PEX7: variants seen among roughly 807,000 people sequenced by gnomAD.
The protein encoded by PEX7 is PTS2 receptor.
Under a neutral mutation model 47.5 loss-of-function variants are expected in PEX7, and 34 were observed. The observed-to-expected ratio is 0.72, with a 90% CI of 0.54 to 0.95. The LOEUF is 0.95. Among genes scored for constraint, PEX7 ranks in the 40% least tolerant of loss-of-function variants. The pLI, the probability that PEX7 is intolerant of heterozygous loss-of-function variation, is 0.00. For synonymous variants in PEX7, 141 were observed against 148.8 expected, an observed-to-expected ratio of 0.95 and a Z score of 0.38; for missense variants, 394 against 400.3, an observed-to-expected ratio of 0.98 and a Z score of 0.13.
intron 8 of PEX7, among the ~76,000 whole-genome samples, chr6:136,875,298 A>T (rs1039386833): frequency 6.7e-6 from 1 of 150,144 alleles, no homozygotes; most frequent in African/African-American, 2.5e-5. Flanking sequence ...AAGGCTATAA[A>T]TTTTTTTCTG....
chr6:136,829,801 G>A (rs1258492999), intron 3 of PEX7, among the ~76,000 whole-genome samples: 1 of 152,166 alleles, frequency 6.6e-6, no homozygotes, highest in East Asian at 1.9e-4. Flanking sequence ...AGCTGGGTGT[G>A]GTGGTGCACA....
chr6:136,866,634 G>T lies in PEX7; in HGVS notation c.534G>T (p.Gln178His), dbSNP rs746010906. The change falls in exon 6 of 10, where the codon CAG becomes CAT. Residue 178 changes from glutamine to histidine, a missense_variant. Transcript: ENST00000318471. ...AGTCTTCCTTTTTACTAGGTGATCA[G>T]ACTCTGAGAATATGGGATGTGAAGG... ...PGCFASASGD[Q>H]TLRIWDVKAA... The T allele has an allele frequency of 6.2e-7, 1 of 1,613,870 alleles. No homozygotes were observed. Among genetic ancestry groups the T allele is most frequent in the East Asian group, 2.2e-5 (1 of 44,860 alleles).
rs1429537404 is a variant in PEX7, at chr6:136,856,255, C to T, written c.526+10074C>T. 3.7e-5 allele frequency among the ~76,000 whole-genome samples: 5 copies of T among 135,556 alleles called. No individual in the cohort carries two copies. In the South Asian group the frequency reaches 6.8e-4, roughly 18 times the overall value. The allele number at this position is 135,556 out of a possible 152,430, so 88.9% of individuals were successfully genotyped here. On this transcript the variant is annotated intron_variant, in intron 5 of 9. Coordinates refer to ENST00000318471, the MANE Select transcript of PEX7 (RefSeq NM_000288.4). ...TGTTGTGTTAGAAATTAATATAAAT[C>T]TTGGTCATATCAGCCAGGACTTCTT...
rs56050939 is a variant in PEX7, at chr6:136,845,087, G to A, written c.340-528G>A. On this transcript the variant is annotated intron_variant, in intron 3 of 9. Transcript: ENST00000318471. ...GTTTTCAAGTAGTTCATTTGAAATG[G>A]TTCACTGAGAGCAGTGAAGCATATA... Among the ~76,000 whole-genome samples, 578 of 152,294 alleles carry A rather than the reference G, an allele frequency of 3.8e-3. 3 individuals are homozygous for A. Among genetic ancestry groups the A allele is most frequent in the African/African-American group, 0.012 (499 of 41,552 alleles).
At chr6:136,845,990 T>G (rs1774591584) in intron 4 of PEX7, 83 bp from the exon 5 acceptor site, 9 of 775,062 alleles carry the variant, frequency 1.2e-5, no homozygotes, top group Middle Eastern at 2.6e-4. Flanking sequence ...TAAATGTATA[T>G]AGTTTATTGG....
intron 5 of PEX7, among the ~76,000 whole-genome samples, chr6:136,864,432 A>T (rs958971326): frequency 1.3e-5 from 2 of 152,280 alleles, no homozygotes; most frequent in East Asian, 1.9e-4. Flanking sequence ...TATTGTAGGT[A>T]GGAAACTGAA....
intron 8 of PEX7, among the ~76,000 whole-genome samples, chr6:136,895,109 C>T (rs539774093): frequency 6.6e-6 from 1 of 152,200 alleles, no homozygotes; most frequent in East Asian, 1.9e-4. Context: ...CCACTTTCTC[C>T]CTGTTAGCCC....
In PEX7 at chr6:136,913,595, A is replaced by G. The variant is rs995877089; in HGVS notation, c.*69A>G. 8.2e-6 allele frequency: 8 copies of G among 980,980 alleles called. No homozygotes were observed. The highest frequency in any genetic ancestry group is 6.4e-5 in the South Asian group (5 of 78,340). 60.8% of individuals were successfully genotyped at this position (980,980 alleles called of 1,614,324 possible). On this transcript the variant is annotated 3_prime_UTR_variant, in exon 10 of 10. Coordinates refer to ENST00000318471, the MANE Select transcript of PEX7 (RefSeq NM_000288.4). ...CTGCCTAACAGCAAATAAATTAACT[A>G]TGGAAAACATAGACATTATGCTTTT...
intron 9 of PEX7, among the ~76,000 whole-genome samples, chr6:136,908,816 C>T (rs1397083790): frequency 6.6e-6 from 1 of 152,014 alleles, no homozygotes; most frequent in Non-Finnish European, 1.5e-5. Context: ...CAGTTCTTCA[C>T]TTACTCGGAT....
chr6:136,895,292 T>C (rs539057212), intron 8 of PEX7, among the ~76,000 whole-genome samples: 39 of 152,334 alleles, frequency 2.6e-4, no homozygotes, highest in Admixed American at 1.0e-3. Context: ...AAATAATAAA[T>C]TATAGTATAT....
At chr6:136,889,130 T>C (rs1775515397) in intron 8 of PEX7, among the ~76,000 whole-genome samples, 1 of 152,212 alleles carries the variant, frequency 6.6e-6, no homozygotes, top group Non-Finnish European at 1.5e-5. Context: ...TGTTGATATG[T>C]TCATTTTTTA....
At chr6:136,827,611 T>G (rs930452787) in intron 3 of PEX7, among the ~76,000 whole-genome samples, 1 of 151,054 alleles carries the variant, frequency 6.6e-6, no homozygotes, top group African/African-American at 2.4e-5. Flanking sequence ...TACTGCAACC[T>G]CCACCTTCTG....
At position 136,822,753 on chromosome 6, in the gene PEX7, G is replaced by A; in HGVS notation, c.88G>A (p.Gly30Ser). ...YAAEFSPYLP[G>S]RLACATAQHY... ...CGCCGAGTTCTCCCCGTACCTGCCGGGCCGCCTGGCCTGCGCCACCGCGCA... is the reference window on the plus strand; with the variant it reads ...CGCCGAGTTCTCCCCGTACCTGCCGAGCCGCCTGGCCTGCGCCACCGCGCA... The change falls in exon 1 of 10, where the codon GGC becomes AGC. Residue 30 changes from glycine to serine, a missense_variant. Physicochemically the swap from Gly to Ser is moderately conservative, Grantham distance 56. Transcript: ENST00000318471. 1 of 1,482,442 alleles carries A rather than the reference G, an allele frequency of 6.7e-7. No individual in the cohort carries two copies. Among genetic ancestry groups the A allele is most frequent in the East Asian group, 2.9e-5 (1 of 35,058 alleles). The allele number at this position is 1,482,442 out of a possible 1,614,324, so 91.8% of individuals were successfully genotyped here. A position where few individuals can be genotyped will look rare whatever the true frequency, so the allele number is the denominator to read the frequency against.
At chr6:136,867,152 T>A (rs1582757984) in intron 6 of PEX7, among the ~76,000 whole-genome samples, 1 of 152,358 alleles carries the variant, frequency 6.6e-6, no homozygotes, top group Non-Finnish European at 1.5e-5. Flanking sequence ...TGTTTTATCT[T>A]CCTTTTTAAG....
intron 8 of PEX7, among the ~76,000 whole-genome samples, chr6:136,883,161 T>A (rs1432817480): frequency 6.6e-6 from 1 of 152,150 alleles, no homozygotes; most frequent in Non-Finnish European, 1.5e-5. Context: ...TGTTTCCGAG[T>A]GGAATGAAAT....
intron 5 of PEX7, among the ~76,000 whole-genome samples, chr6:136,864,962 A>G (rs1461638596): frequency 6.6e-6 from 1 of 152,210 alleles, no homozygotes; most frequent in Admixed American, 6.5e-5. Flanking sequence ...TGGTTTTCTC[A>G]CATCATCAGT....
intron 9 of PEX7, among the ~76,000 whole-genome samples, chr6:136,906,606 A>AT: frequency 6.6e-6 from 1 of 152,280 alleles, no homozygotes; most frequent in South Asian, 2.1e-4. Flanking sequence ...CTTTGAAAAA[A>AT]GACTGGAATA....
intron 7 of PEX7, 25 bp from the exon 8 acceptor site, chr6:136,872,173 T>A: frequency 6.3e-7 from 1 of 1,598,868 alleles, no homozygotes; most frequent in African/African-American, 1.4e-5. Flanking sequence ...CAAAAAGGGT[T>A]TTTTTTTTCT....
At chr6:136,854,744 T>C (rs1248713247) in intron 5 of PEX7, among the ~76,000 whole-genome samples, 1 of 152,024 alleles carries the variant, frequency 6.6e-6, no homozygotes, top group Non-Finnish European at 1.5e-5. Flanking sequence ...TTCAAAGGAG[T>C]CATTTCAAAC....
Sources: gnomAD v4.1 joint callset for allele counts (sites outside exome capture counted in the v4.1 genomes callset) on GRCh38, gnomAD v4.1.1 for gene constraint, MANE v1.5 for transcripts, NCBI Gene and HGNC (gene_info 2026-07-23, HGNC 2026-07-21) for gene names.